KIAA0232: variants seen among roughly 807,000 people sequenced by gnomAD.
KIAA0232 encodes KIAA0232.
A neutral mutation model predicts 122.0 loss-of-function variants in KIAA0232; 27 were observed. That is an observed-to-expected ratio of 0.22 (90% CI 0.16 to 0.31). The LOEUF (loss-of-function observed/expected upper bound fraction) is 0.31, where lower values mean the gene tolerates loss of function less well. KIAA0232 is among the 10% of genes least tolerant of loss of function. The pLI is 1.00. For missense variants in KIAA0232, 1,551 were observed against 1,634.2 expected (o/e 0.95, Z 0.88); for synonymous variants, 613 against 587.6 (o/e 1.04, Z -0.63).
intron 7 of KIAA0232, among the ~76,000 whole-genome samples, chr4:6,867,303 C>CT (rs1461724100): frequency 6.6e-6 from 1 of 152,154 alleles, no homozygotes; most frequent in Admixed American, 6.5e-5. Context: ...TTGAGCATAT[C>CT]TGAGTGTCCA....
intron 2 of KIAA0232, among the ~76,000 whole-genome samples, chr4:6,814,896 A>G (rs958907771): frequency 1.1e-4 from 16 of 152,220 alleles, no homozygotes; most frequent in South Asian, 2.1e-4. Context: ...TAAACTTTAA[A>G]GTAAAAAAGA....
At chr4:6,812,195 G>A (rs1194215180) in intron 2 of KIAA0232, among the ~76,000 whole-genome samples, 2 of 152,108 alleles carry the variant, frequency 1.3e-5, no homozygotes, top group Non-Finnish European at 2.9e-5. Context: ...TCTTTATTAA[G>A]CTCAACATAG....
chr4:6,826,024 A>C (rs918580881), intron 3 of KIAA0232, among the ~76,000 whole-genome samples: 5 of 152,118 alleles, frequency 3.3e-5, no homozygotes, highest in African/African-American at 9.7e-5. Flanking sequence ...ATCATAGCTC[A>C]CTGAAGCCTT....
intron 1 of KIAA0232, among the ~76,000 whole-genome samples, chr4:6,785,555 G>A (rs955899358): frequency 3.9e-5 from 6 of 152,144 alleles, no homozygotes; most frequent in East Asian, 1.9e-4. Flanking sequence ...AAAAATACTC[G>A]CCTAGTGTAA....
At position 6,862,978 on chromosome 4, in the gene KIAA0232, G is replaced by T; in HGVS notation, c.2596G>T (p.Ala866Ser). 6.2e-7 allele frequency: 1 copy of T among 1,614,236 alleles called. No homozygotes were observed. Among genetic ancestry groups the T allele is most frequent in the East Asian group, 2.2e-5 (1 of 44,888 alleles). The change falls in exon 7 of 10, where the codon GCT (alanine) becomes TCT (serine). Residue 866 changes from alanine to serine, a missense_variant. Coordinates refer to ENST00000307659, the MANE Select transcript of KIAA0232 (RefSeq NM_014743.3). ...NNYCCCLDAE[A>S]ELETLQEPDK... The stretch of plus-strand genomic sequence containing the variant: ...CTACTGCTGCTGTCTAGATGCTGAA[G>T]CTGAACTGGAGACCCTTCAGGAGCC...
intron 3 of KIAA0232, among the ~76,000 whole-genome samples, chr4:6,824,938 G>T (rs1430550709): frequency 1.3e-5 from 2 of 152,194 alleles, no homozygotes; most frequent in East Asian, 3.8e-4. Flanking sequence ...ATAGACTCCA[G>T]ATCTTGTCAT....
chr4:6,861,954 A>G lies in KIAA0232; in HGVS notation c.1572A>G (p.Ser524=), dbSNP rs1229315457. ...IDQSMLDPGA[S]ETMQGESRIL... Reference sequence around the variant, plus strand: ...AATCCATGTTGGATCCTGGTGCCTCAGAAACAATGCAAGGAGAAAGTCGGA... The same window carrying G: ...AATCCATGTTGGATCCTGGTGCCTCGGAAACAATGCAAGGAGAAAGTCGGA... Residue 524 remains serine, a synonymous_variant, in exon 7 of 10, where the codon TCA becomes TCG. Coordinates refer to ENST00000307659, the MANE Select transcript of KIAA0232 (RefSeq NM_014743.3). 1 of 1,614,136 alleles carries G rather than the reference A, an allele frequency of 6.2e-7. No homozygotes were observed.
chr4:6,881,001 G>T lies in KIAA0232; in HGVS notation c.*35G>T. On this transcript the variant is annotated 3_prime_UTR_variant, in exon 10 of 10. Coordinates refer to ENST00000307659, the MANE Select transcript of KIAA0232 (RefSeq NM_014743.3). ...ATAGTACAAATTATTGTTTAAAAAT[G>T]ATATGTGATGGAAAATTACTCTTCA... The T allele has an allele frequency of 1.4e-6, 2 of 1,381,824 alleles. No homozygotes were observed. Among genetic ancestry groups the T allele is most frequent in the South Asian group, 1.8e-5 (1 of 55,424 alleles). The allele number at this position is 1,381,824 out of a possible 1,614,324, so 85.6% of individuals were successfully genotyped here. A position where few individuals can be genotyped will look rare whatever the true frequency, so the allele number is the denominator to read the frequency against.
Position 6,800,898 on chromosome 4 carries a change from C to T in KIAA0232, c.-353-3625C>T, listed in dbSNP as rs572328380. Among the ~76,000 whole-genome samples the T allele has an allele frequency of 3.3e-5, 5 of 152,264 alleles. No homozygotes were observed. In the South Asian group the frequency reaches 6.2e-4, roughly 19 times the overall value. On this transcript the variant is annotated intron_variant, in intron 1 of 9. Coordinates refer to ENST00000307659, the MANE Select transcript of KIAA0232 (RefSeq NM_014743.3). ...GAAGAGCCCAGTTAGGAAGGGCAGG[C>T]AGGTTCTTAAGGGTTTGTTCAGTTC...
intron 1 of KIAA0232, among the ~76,000 whole-genome samples, chr4:6,803,530 G>C (rs1412012619): frequency 1.3e-5 from 2 of 152,060 alleles, no homozygotes; most frequent in East Asian, 1.9e-4. Flanking sequence ...GATTCATTTG[G>C]ATAAGATTAC....
chr4:6,784,766 G>A (rs763003585), intron 1 of KIAA0232, among the ~76,000 whole-genome samples: 1 of 152,132 alleles, frequency 6.6e-6, no homozygotes, highest in Admixed American at 6.5e-5. Context: ...TTGAAGGGAA[G>A]GGAGAATATT....
At chr4:6,876,895 T>C in intron 9 of KIAA0232, 138 bp downstream of exon 9, 1 of 626,594 alleles carries the variant, frequency 1.6e-6, no homozygotes, top group South Asian at 1.8e-5. Context: ...GGGTGCAGAC[T>C]TCCTGTTCTC....
At chr4:6,792,723 T>C (rs138649825) in intron 1 of KIAA0232, among the ~76,000 whole-genome samples, 2,607 of 141,508 alleles carry the variant, frequency 0.018, 31 homozygotes, top group Non-Finnish European at 0.029. Context: ...AGAGTCTCAC[T>C]CTGTTGCCCA....
intron 9 of KIAA0232, among the ~76,000 whole-genome samples, chr4:6,878,420 T>A (rs74731098): frequency 1.2e-5 from 1 of 85,424 alleles, no homozygotes; most frequent in East Asian, 2.4e-4. Context: ...TACATAAATA[T>A]ATACATACAT....
chr4:6,844,033 G>A (rs557201775), intron 4 of KIAA0232, among the ~76,000 whole-genome samples: 19 of 141,020 alleles, frequency 1.3e-4, no homozygotes, highest in African/African-American at 1.6e-4. Flanking sequence ...TCCGCCTCCT[G>A]GGTTCATGCC....
intron 9 of KIAA0232, among the ~76,000 whole-genome samples, chr4:6,879,644 G>A (rs1721947389): frequency 6.6e-6 from 1 of 152,158 alleles, no homozygotes; most frequent in African/African-American, 2.4e-5. Context: ...GCTTTGTAAT[G>A]ACTGTGACTG....
intron 8 of KIAA0232, among the ~76,000 whole-genome samples, chr4:6,875,214 G>A (rs1270921885): frequency 6.6e-6 from 1 of 152,236 alleles, no homozygotes; most frequent in Non-Finnish European, 1.5e-5. Context: ...GCGGTCATGG[G>A]TGCAATGTGT....
chr4:6,811,911 A>G (rs1717899123), intron 2 of KIAA0232, among the ~76,000 whole-genome samples: 1 of 151,754 alleles, frequency 6.6e-6, no homozygotes, highest in African/African-American at 2.4e-5. Context: ...TGTTTTGTTA[A>G]TAGGCTTTAG....
At chr4:6,864,314 G>T in intron 7 of KIAA0232, 131 bp downstream of exon 7, 1 of 1,044,188 alleles carries the variant, frequency 9.6e-7, no homozygotes, top group Non-Finnish European at 1.4e-6. Context: ...AACTTAAATT[G>T]TTCTAATTTT....
Sources: gnomAD v4.1 joint callset for allele counts (sites outside exome capture counted in the v4.1 genomes callset) on GRCh38, gnomAD v4.1.1 for gene constraint, MANE v1.5 for transcripts, NCBI Gene and HGNC (gene_info 2026-07-23, HGNC 2026-07-21) for gene names.